PCYT1A: variants seen among roughly 807,000 people sequenced by gnomAD.
The protein encoded by PCYT1A is phosphate cytidylyltransferase 1A, choline.
In PCYT1A, 25 loss-of-function variants were observed where a neutral mutation model predicts 43.7. That is an observed-to-expected ratio of 0.57 (90% confidence interval 0.42 to 0.80). PCYT1A has a LOEUF of 0.80. PCYT1A is among the 30% of genes least tolerant of loss of function. The pLI is 0.00. For synonymous variants in PCYT1A, 172 were observed against 170.7 expected (o/e 1.01, Z -0.06); for missense variants, 421 against 474.2 (o/e 0.89, Z 1.04).
chr3:196,239,378 T>C (rs1560160090), intron 8 of PCYT1A, among the ~76,000 whole-genome samples, 169 bp downstream of exon 8: 1 of 152,242 alleles, frequency 6.6e-6, no homozygotes. Context: ...GTAACGTCTT[T>C]CTGTAAAGGT....
chr3:196,251,517 TG>T (rs1233526917), intron 3 of PCYT1A: 1 of 152,800 alleles, frequency 6.5e-6, no homozygotes, highest in Non-Finnish European at 1.5e-5. Flanking sequence ...AATCATACAC[TG>T]CTGAAAGGAG....
chr3:196,280,560 T>C (rs1163200015), intron 1 of PCYT1A, among the ~76,000 whole-genome samples: 2 of 143,570 alleles, frequency 1.4e-5, no homozygotes, highest in Admixed American at 1.5e-4. Context: ...GTTGTATTGG[T>C]ATTTTTATTG....
intron 2 of PCYT1A, among the ~76,000 whole-genome samples, chr3:196,264,255 C>A (rs372149497): frequency 1.3e-5 from 2 of 152,156 alleles, no homozygotes; most frequent in South Asian, 2.1e-4. Context: ...TTAAAAATTA[C>A]AATTTTAATT....
At chr3:196,239,024 G>A in intron 8 of PCYT1A, 130 bp from the exon 9 acceptor site, 1 of 467,452 alleles carries the variant, frequency 2.1e-6, no homozygotes, top group Non-Finnish European at 3.5e-6. Context: ...TCATCACCCG[G>A]GAAATTCCCC....
rs780554503 is a variant in PCYT1A at position 196,277,283 on chromosome 3, A to G, written c.-10-6742T>C. ...CCTGCTTACACTATTATGTGTTTAT[A>G]CTATTCCTTATCTGCTTACATACAG... On this transcript the variant is annotated intron_variant, in intron 1 of 8. Coordinates refer to ENST00000431016, the MANE Select transcript of PCYT1A (RefSeq NM_001312673.2). The surrounding 1 kb of genome is among the most constrained non-coding windows in gnomAD (Gnocchi z 4.1). 1.2e-4 allele frequency among the ~76,000 whole-genome samples: 19 copies of G among 152,160 alleles called. No individual in the cohort carries two copies. Among genetic ancestry groups the G allele is most frequent in the Non-Finnish European group, 1.9e-4 (13 of 68,026 alleles).
chr3:196,247,391 T>TG lies in PCYT1A; in HGVS notation c.461dup (p.Pro155ThrfsTer10). 1 of 1,614,122 alleles carries TG rather than the reference T, an allele frequency of 6.2e-7. No homozygotes were observed. The stretch of plus-strand genomic sequence containing the variant: ...CCCGGTGTTCGGCCAGGAACTCGGG[T>TG]GTCAGCGTCCAGGGCGCATTCCTCA... On this transcript the variant is annotated frameshift_variant, in exon 5 of 9. Coordinates refer to ENST00000431016, the MANE Select transcript of PCYT1A (RefSeq NM_001312673.2). LOFTEE classifies it high-confidence loss of function. This position sits in a 1 kb window ranked among gnomAD's most constrained non-coding sequence, Gnocchi z 4.8.
chr3:196,239,430 C>T, intron 8 of PCYT1A, 117 bp downstream of exon 8: 2 of 627,328 alleles, frequency 3.2e-6, no homozygotes, highest in South Asian at 4.5e-5. Flanking sequence ...TAGTTCTGCC[C>T]AGATAAGGGG....
intron 3 of PCYT1A, among the ~76,000 whole-genome samples, chr3:196,255,711 A>G (rs574367392): frequency 9.2e-5 from 14 of 152,308 alleles, no homozygotes; most frequent in African/African-American, 2.9e-4. Flanking sequence ...AACAAAACAA[A>G]AGATCAACTT....
rs1724255459 is a variant in PCYT1A, at chr3:196,238,762, G to A, written c.1030C>T (p.Pro344Ser). 4 of 1,591,730 alleles carry A rather than the reference G, an allele frequency of 2.5e-6. No individual in the cohort carries two copies. Among genetic ancestry groups the A allele is most frequent in the Middle Eastern group, 1.7e-4 (1 of 5,998 alleles). ...GAGAGATTTGCTGGGGAGCAAGGTG[G>A]GGAAGTCTTGCCGGAGAAGGGCCAT... The part of the protein sequence containing the change: ...FRWPFSGKTS[P>S]PCSPANLSRH... The change falls in exon 9 of 9, where the codon CCA becomes TCA. Residue 344 changes from proline to serine, a missense_variant. By Grantham distance (74) the Pro-to-Ser change is moderately conservative. This residue lies in a region of PCYT1A where 108 missense variants were observed against 85.7 expected (regional missense o/e 1.26). Transcript: ENST00000431016.
rs150015565 is a variant in PCYT1A at position 196,278,403 on chromosome 3, G to C, written c.-10-7862C>G. On this transcript the variant is annotated intron_variant, in intron 1 of 8. Transcript: ENST00000431016. ...GTGGCTTTAAATATCTACATTCAAAGGGGAAAAAAAATACACGCACACACA... is the reference window on the plus strand; with the variant it reads ...GTGGCTTTAAATATCTACATTCAAACGGGAAAAAAAATACACGCACACACA... Among the ~76,000 whole-genome samples, 643 of 152,128 alleles carry C rather than the reference G, an allele frequency of 4.2e-3. 2 individuals are homozygous for C. Among genetic ancestry groups the C allele is most frequent in the African/African-American group, 0.015 (607 of 41,502 alleles).
chr3:196,270,643 C>G (rs1725403738), intron 1 of PCYT1A, 102 bp from the exon 2 acceptor site: 1 of 802,574 alleles, frequency 1.2e-6, no homozygotes, highest in Admixed American at 1.7e-5. Flanking sequence ...AGCAAAATAC[C>G]AATTCTACAG....
intron 3 of PCYT1A, among the ~76,000 whole-genome samples, chr3:196,248,741 T>C (rs2108766812): frequency 6.6e-6 from 1 of 151,460 alleles, no homozygotes; most frequent in East Asian, 1.9e-4. Flanking sequence ...GTTCCATGAC[T>C]GTATACTCCT....
At chr3:196,278,453 G>C (rs1041827910) in intron 1 of PCYT1A, among the ~76,000 whole-genome samples, 1 of 152,152 alleles carries the variant, frequency 6.6e-6, no homozygotes, top group Non-Finnish European at 1.5e-5. Context: ...ATCCCTGTTT[G>C]TCCAGCGGGC....
At chr3:196,241,390 T>G in intron 7 of PCYT1A, 1 of 466,988 alleles carries the variant, frequency 2.1e-6, no homozygotes, top group Non-Finnish European at 3.7e-6. Context: ...CTCGCTATGT[T>G]GCCCCCAGAC....
At chr3:196,265,897 C>T (rs1274976213) in intron 2 of PCYT1A, among the ~76,000 whole-genome samples, 3 of 151,868 alleles carry the variant, frequency 2.0e-5, no homozygotes, top group African/African-American at 7.3e-5. Flanking sequence ...CACCACTGCG[C>T]CCAGCTAATT....
rs563403581 is a variant in PCYT1A at position 196,281,861 on chromosome 3, C to T, written c.-11+5754G>A. 2.6e-5 allele frequency among the ~76,000 whole-genome samples: 4 copies of T among 152,286 alleles called. No homozygotes were observed. The East Asian group carries it at 7.7e-4, about 29-fold the overall frequency. On this transcript the variant is annotated intron_variant, in intron 1 of 8. Transcript: ENST00000431016. The stretch of plus-strand genomic sequence containing the variant: ...TACAGGCACATGCCACTACACCCAG[C>T]TAATTTTTTGTAGAGATGGGGGTCT...
Position 196,257,830 on chromosome 3 carries a change from A to G in PCYT1A, c.175T>C (p.Tyr59His). The G allele has an allele frequency of 6.2e-7, 1 of 1,613,212 alleles. No individual in the cohort carries two copies. ...GCTTCTTCCATAGTTACCCTGACAT[A>G]GGGCTTACTAAAGTCAACTTCAATT... ...DEIEVDFSKPYVRVTMEEASR... is the reference protein window; with the variant it reads ...DEIEVDFSKPHVRVTMEEASR... Residue 59 changes from tyrosine to histidine, a missense_variant, in exon 3 of 9, where the codon TAT becomes CAT. Physicochemically the swap from Tyr to His is moderately conservative, Grantham distance 83 (BLOSUM62 2). Coordinates refer to ENST00000431016, the MANE Select transcript of PCYT1A (RefSeq NM_001312673.2).
Position 196,277,136 on chromosome 3 carries a change from A to G in PCYT1A, c.-10-6595T>C, listed in dbSNP as rs1207617934. Among the ~76,000 whole-genome samples, 2 of 151,848 alleles carry G rather than the reference A, an allele frequency of 1.3e-5. No individual in the cohort carries two copies. The highest frequency in any genetic ancestry group is 4.8e-5 in the African/African-American group (2 of 41,310). Reference sequence around the variant, plus strand: ...TCCCAGCTACTTGGGAGGCTGAGGCAGGAGAATTGCTTAAACCCAGGAGGC... The same window carrying G: ...TCCCAGCTACTTGGGAGGCTGAGGCGGGAGAATTGCTTAAACCCAGGAGGC... On this transcript the variant is annotated intron_variant, in intron 1 of 8. Transcript: ENST00000431016. The surrounding 1 kb of genome is among the most constrained non-coding windows in gnomAD (Gnocchi z 4.1).
intron 3 of PCYT1A, among the ~76,000 whole-genome samples, chr3:196,249,280 G>A (rs1414313447): frequency 2.0e-5 from 3 of 151,360 alleles, no homozygotes; most frequent in Admixed American, 2.0e-4. Context: ...CCAAGTAGAT[G>A]GGACCACAGA....
Sources: allele counts gnomAD v4.1 joint callset (sites outside exome capture counted in the v4.1 genomes callset), GRCh38; gene constraint gnomAD v4.1.1; regional missense constraint gnomAD v4.1.1; non-coding constraint Gnocchi (gnomAD v3.1); transcripts MANE v1.5; gene names NCBI Gene and HGNC (gene_info 2026-07-23, HGNC 2026-07-21).